Variants in FBXL17 observed in about 807,000 individuals in gnomAD.
FBXL17 encodes F-box and leucine rich repeat protein 17, also known as F-box/LRR-repeat protein 17.
Under a neutral mutation model 66.2 loss-of-function variants are expected in FBXL17, and 22 were observed. The observed-to-expected ratio is 0.33, with a 90% CI of 0.24 to 0.47. FBXL17 has a LOEUF of 0.47. FBXL17 is among the 20% of genes least tolerant of loss of function. The probability of loss-of-function intolerance (pLI) is 1.00; values close to 1 mark genes in which losing one functional copy is unlikely to be tolerated. For missense variants in FBXL17, 878 were observed against 948.2 expected (o/e 0.93, Z 0.97); for synonymous variants, 474 against 400.5 (o/e 1.18, Z -2.19).
At chr5:107,931,864 T>C (rs1750747487) in intron 7 of FBXL17, among the ~76,000 whole-genome samples, 1 of 152,218 alleles carries the variant, frequency 6.6e-6, no homozygotes, top group Non-Finnish European at 1.5e-5. Context: ...ATTATATTTC[T>C]ACATCTTTTC....
chr5:107,880,444 C>A, intron 8 of FBXL17: 1 of 990,360 alleles, frequency 1.0e-6, no homozygotes, highest in Non-Finnish European at 1.2e-6. Flanking sequence ...CTCATGCTCA[C>A]ATCCCTGGCT....
chr5:107,923,692 A>G (rs1750399740), intron 7 of FBXL17, among the ~76,000 whole-genome samples: 1 of 152,168 alleles, frequency 6.6e-6, no homozygotes, highest in South Asian at 2.1e-4. Context: ...ATTGTTCCCT[A>G]AAACACTAGG....
chr5:108,366,506 T>G (rs17388244), intron 2 of FBXL17, among the ~76,000 whole-genome samples: 18,460 of 146,300 alleles, frequency 0.13, 1,357 homozygotes, highest in Admixed American at 0.16. Context: ...AACTCTGACA[T>G]ACCTCTCCTT....
intron 4 of FBXL17, among the ~76,000 whole-genome samples, chr5:108,315,257 T>C (rs1296353868): frequency 6.6e-6 from 1 of 151,142 alleles, no homozygotes; most frequent in Admixed American, 6.6e-5. Flanking sequence ...GAGAAGAAGA[T>C]GGAAAGAAAA....
At chr5:108,060,684 C>G (rs1387668517) in intron 6 of FBXL17, among the ~76,000 whole-genome samples, 1 of 151,994 alleles carries the variant, frequency 6.6e-6, no homozygotes, top group Non-Finnish European at 1.5e-5. Context: ...TCTCTCAGAC[C>G]CTGTCTTCCC....
At chr5:108,365,139 A>G in intron 2 of FBXL17, 144 bp from the exon 3 acceptor site, 1 of 606,920 alleles carries the variant, frequency 1.6e-6, no homozygotes. Flanking sequence ...CCGTCTTAAC[A>G]TTGAAGCATA....
At chr5:108,179,512 T>C (rs759440890) in intron 6 of FBXL17, among the ~76,000 whole-genome samples, 23 of 152,170 alleles carry the variant, frequency 1.5e-4, no homozygotes, top group Non-Finnish European at 2.8e-4. Flanking sequence ...AAAGGAATCA[T>C]GAACCAAACA....
chr5:107,894,546 G>A (rs189224269), intron 7 of FBXL17, among the ~76,000 whole-genome samples: 154 of 152,200 alleles, frequency 1.0e-3, no homozygotes, highest in Non-Finnish European at 1.9e-3. Flanking sequence ...TCTTCAGGCC[G>A]GGGGTAGGCA....
At chr5:108,177,911 G>GTATATATATATATATATATATATATATA (rs70996985) in intron 6 of FBXL17, among the ~76,000 whole-genome samples, 21 of 115,234 alleles carry the variant, frequency 1.8e-4, no homozygotes, top group South Asian at 5.7e-4. Flanking sequence ...AAAAAAAAAT[G>GTATATATATATATATATATATATATATA]TATATATATA....
At chr5:107,866,285 T>G (rs1183099754) in intron 8 of FBXL17, among the ~76,000 whole-genome samples, 2 of 149,158 alleles carry the variant, frequency 1.3e-5, no homozygotes, top group Admixed American at 6.7e-5. Flanking sequence ...TGCCACAAAT[T>G]TTTTTTTAAT....
intron 7 of FBXL17, among the ~76,000 whole-genome samples, chr5:107,978,932 A>G (rs115292625): frequency 1.5e-3 from 233 of 152,294 alleles, no homozygotes; most frequent in African/African-American, 5.5e-3. Flanking sequence ...AACCACATAT[A>G]AGGGCTGAAA....
At chr5:108,181,443 C>A (rs1041949181) in intron 6 of FBXL17, among the ~76,000 whole-genome samples, 3 of 152,072 alleles carry the variant, frequency 2.0e-5, no homozygotes, top group African/African-American at 7.2e-5. Context: ...ACAAAAAGTG[C>A]TTTTGGAAAA....
chr5:108,380,671 C>T (rs1292379866), intron 1 of FBXL17, 28 bp downstream of exon 1: 14 of 1,242,032 alleles, frequency 1.1e-5, no homozygotes, highest in Non-Finnish European at 1.4e-5. Flanking sequence ...GGAAAGCGAG[C>T]ATCCCTGCGC....
intron 7 of FBXL17, among the ~76,000 whole-genome samples, chr5:107,889,175 T>C (rs536203304): frequency 6.6e-6 from 1 of 152,316 alleles, no homozygotes; most frequent in South Asian, 2.1e-4. Flanking sequence ...TTAGTAGATA[T>C]CTATTACATT....
At chr5:108,310,252 GGAC>G (rs1759052748) in intron 4 of FBXL17, among the ~76,000 whole-genome samples, 2 of 152,172 alleles carry the variant, frequency 1.3e-5, no homozygotes, top group East Asian at 3.9e-4. Context: ...ATATGCAAAA[GGAC>G]TGCAATGCTA....
At chr5:107,985,197 T>C (rs1347265532) in intron 7 of FBXL17, among the ~76,000 whole-genome samples, 1 of 152,242 alleles carries the variant, frequency 6.6e-6, no homozygotes, top group Non-Finnish European at 1.5e-5. Flanking sequence ...CACAAACTGC[T>C]GTGACAGAAC....
chr5:108,176,586 C>A (rs1003439721), intron 6 of FBXL17, among the ~76,000 whole-genome samples: 5 of 152,044 alleles, frequency 3.3e-5, no homozygotes, highest in Non-Finnish European at 5.9e-5. Context: ...GCCAAAATCA[C>A]CCACATCAAA....
intron 1 of FBXL17, among the ~76,000 whole-genome samples, chr5:108,377,690 G>C (rs1020137733): frequency 6.6e-6 from 1 of 152,232 alleles, no homozygotes; most frequent in African/African-American, 2.4e-5. Context: ...TTATACTTGT[G>C]TGTGGAAAGG....
chr5:108,148,009 C>T (rs1751626658), intron 6 of FBXL17, among the ~76,000 whole-genome samples: 1 of 151,538 alleles, frequency 6.6e-6, no homozygotes, highest in African/African-American at 2.4e-5. Flanking sequence ...CTGAAAAAAG[C>T]CTCTCATTAA....
Sources: gnomAD v4.1 joint callset for allele counts (sites outside exome capture counted in the v4.1 genomes callset) on GRCh38, gnomAD v4.1.1 for gene constraint, MANE v1.5 for transcripts, NCBI Gene and HGNC (gene_info 2026-07-23, HGNC 2026-07-21) for gene names.